RORA: variants seen among roughly 807,000 people sequenced by gnomAD.
RORA encodes RAR related orphan receptor A, also known as nuclear receptor ROR-alpha.
Under a neutral mutation model 69.5 loss-of-function variants are expected in RORA, and 7 were observed. The ratio of observed to expected loss-of-function variants is 0.10; its 90% CI spans 0.06 to 0.19. The LOEUF is 0.19. Among genes scored for constraint, RORA ranks in the 10% least tolerant of loss-of-function variants. RORA has a pLI of 1.00. For synonymous variants in RORA, 261 were observed against 240.8 expected (o/e 1.08, Z -0.78); for missense variants, 457 against 663.0 (o/e 0.69, Z 3.41).
intron 1 of RORA, among the ~76,000 whole-genome samples, chr15:61,019,829 C>T (rs919608614): frequency 2.6e-5 from 4 of 152,176 alleles, no homozygotes; most frequent in African/African-American, 7.2e-5. Flanking sequence ...TGGTCACTGA[C>T]GGGGCCTGCC....
chr15:60,526,400 T>C (rs2066357410), intron 3 of RORA, among the ~76,000 whole-genome samples: 1 of 152,212 alleles, frequency 6.6e-6, no homozygotes, highest in Non-Finnish European at 1.5e-5. Context: ...GTCAGGGCCC[T>C]ATCTACAACA....
chr15:60,984,836 A>G (rs1034258250), intron 1 of RORA, among the ~76,000 whole-genome samples: 1 of 137,542 alleles, frequency 7.3e-6, no homozygotes, highest in Non-Finnish European at 1.6e-5. Flanking sequence ...TTCTTCTGGT[A>G]ACTCATTTTG....
At chr15:60,785,415 G>A (rs567605607) in intron 1 of RORA, among the ~76,000 whole-genome samples, 76 of 152,174 alleles carry the variant, frequency 5.0e-4, no homozygotes, top group Non-Finnish European at 9.1e-4. Flanking sequence ...AACAGAGAAG[G>A]GATCTCAATT....
chr15:60,739,770 G>A (rs17237367), intron 1 of RORA, among the ~76,000 whole-genome samples: 28,742 of 151,866 alleles, frequency 0.19, 2,965 homozygotes, highest in South Asian at 0.33. Flanking sequence ...CACATTTACC[G>A]CTTGTCTCTG....
At chr15:61,141,711 T>C (rs753548144) in intron 1 of RORA, among the ~76,000 whole-genome samples, 6 of 152,192 alleles carry the variant, frequency 3.9e-5, no homozygotes, top group Admixed American at 2.6e-4. Context: ...AGTGTGGCTT[T>C]ATCAGGCACA....
chr15:60,887,178 T>A (rs2073761218), intron 1 of RORA, among the ~76,000 whole-genome samples: 1 of 150,482 alleles, frequency 6.6e-6, no homozygotes, highest in Non-Finnish European at 1.5e-5. Flanking sequence ...GAAAGAGAGT[T>A]GGAATTAGAA....
intron 3 of RORA, among the ~76,000 whole-genome samples, chr15:60,523,359 C>T (rs2066241036): frequency 6.6e-6 from 1 of 152,144 alleles, no homozygotes; most frequent in South Asian, 2.1e-4. Context: ...CAGCAAAAAT[C>T]ATGAGAGCAT....
chr15:60,798,958 A>C (rs2072540514), intron 1 of RORA, among the ~76,000 whole-genome samples: 1 of 150,618 alleles, frequency 6.6e-6, no homozygotes, highest in African/African-American at 2.5e-5. Context: ...TTTTAAACTC[A>C]AGGACAGTGT....
At chr15:61,056,191 G>C (rs2078094044) in intron 1 of RORA, among the ~76,000 whole-genome samples, 2 of 152,166 alleles carry the variant, frequency 1.3e-5, no homozygotes, top group Non-Finnish European at 2.9e-5. Flanking sequence ...ACCCGTTTTG[G>C]AGTGTGCGCT....
intron 1 of RORA, among the ~76,000 whole-genome samples, chr15:60,748,007 G>A (rs941344122): frequency 6.6e-6 from 1 of 152,086 alleles, no homozygotes; most frequent in Non-Finnish European, 1.5e-5. Context: ...GTTGCAAATG[G>A]CCAAGAGTCT....
At chr15:60,955,987 C>A (rs1893257792) in intron 1 of RORA, among the ~76,000 whole-genome samples, 2 of 152,122 alleles carry the variant, frequency 1.3e-5, no homozygotes, top group African/African-American at 2.4e-5. Flanking sequence ...AAATAATGAA[C>A]AACATTGTAA....
At position 60,600,098 on chromosome 15, in the gene RORA, G is replaced by A. The variant is rs1249837056; in HGVS notation, c.197-68247C>T. Among the ~76,000 whole-genome samples, 3 of 152,108 alleles carry A rather than the reference G, an allele frequency of 2.0e-5. No individual in the cohort carries two copies. In the East Asian group the frequency reaches 5.8e-4, roughly 29 times the overall value. On this transcript the variant is annotated intron_variant, in intron 2 of 10. Coordinates refer to ENST00000335670, the MANE Select transcript of RORA (RefSeq NM_134261.3). ...TATCTGAGACAGTTCTATTAATATA[G>A]ATGCTTCATATATAGGCCATATTTT...
At chr15:61,044,527 AT>A (rs1328696556) in intron 1 of RORA, among the ~76,000 whole-genome samples, 1 of 152,204 alleles carries the variant, frequency 6.6e-6, no homozygotes, top group East Asian at 1.9e-4. Flanking sequence ...AAATATCTCA[AT>A]TTTTTTACAT....
chr15:60,582,587 G>A (rs1336358026), intron 2 of RORA, among the ~76,000 whole-genome samples: 1 of 152,112 alleles, frequency 6.6e-6, no homozygotes, highest in African/African-American at 2.4e-5. Flanking sequence ...GCTACACTGC[G>A]GACAGGGTGA....
At chr15:60,548,216 G>A (rs146879164) in intron 2 of RORA, among the ~76,000 whole-genome samples, 1 of 152,174 alleles carries the variant, frequency 6.6e-6, no homozygotes, top group Non-Finnish European at 1.5e-5. Flanking sequence ...CATGGTTTCT[G>A]GTTTCACAGT....
In RORA at chr15:61,112,154, C is replaced by T. The variant is rs114100997; in HGVS notation, c.166+116899G>A. Among the ~76,000 whole-genome samples the T allele has an allele frequency of 4.0e-3, 609 of 152,250 alleles. 6 individuals carry two copies. Among genetic ancestry groups the T allele is most frequent in the African/African-American group, 0.014 (595 of 41,530 alleles). ...GAGAAGTACAGAAACTGAGAGTAAGCCTTTTAAACCTTGCCCATATATGTG... is the reference window on the plus strand; with the variant it reads ...GAGAAGTACAGAAACTGAGAGTAAGTCTTTTAAACCTTGCCCATATATGTG... On this transcript the variant is annotated intron_variant, in intron 1 of 10. Coordinates refer to ENST00000335670, the MANE Select transcript of RORA (RefSeq NM_134261.3).
At chr15:60,991,349 T>C (rs950769747) in intron 1 of RORA, among the ~76,000 whole-genome samples, 1 of 152,080 alleles carries the variant, frequency 6.6e-6, no homozygotes, top group African/African-American at 2.4e-5. Context: ...AACTACAGAC[T>C]GGGTAAGGGG....
intron 1 of RORA, among the ~76,000 whole-genome samples, chr15:60,721,333 A>T (rs768652537): frequency 6.6e-6 from 1 of 152,246 alleles, no homozygotes; most frequent in Non-Finnish European, 1.5e-5. Flanking sequence ...CAAGAGCTAG[A>T]CAAATAAATT....
intron 1 of RORA, among the ~76,000 whole-genome samples, chr15:61,008,916 T>C (rs932942521): frequency 6.6e-6 from 1 of 152,092 alleles, no homozygotes; most frequent in African/African-American, 2.4e-5. Flanking sequence ...AGTTATCCAT[T>C]TGATGAAATT....
Sources: allele counts gnomAD v4.1 joint callset (sites outside exome capture counted in the v4.1 genomes callset), GRCh38; gene constraint gnomAD v4.1.1; transcripts MANE v1.5; gene names NCBI Gene and HGNC (gene_info 2026-07-23, HGNC 2026-07-21).